Variants in GNA14 observed in about 807,000 individuals in gnomAD.
The protein encoded by GNA14 is G protein subunit alpha 14.
GNA14 carries 50 observed loss-of-function variants against 42.0 expected under a neutral mutation model. That is an observed-to-expected ratio of 1.19 (90% confidence interval 0.95 to 1.51). GNA14 has a LOEUF of 1.51. GNA14 is among the 40% of genes most tolerant of loss of function. GNA14 has a pLI of 0.00. For missense variants in GNA14, 473 were observed against 446.2 expected, an observed-to-expected ratio of 1.06 and a Z score of -0.54; for synonymous variants, 173 against 163.1, an observed-to-expected ratio of 1.06 and a Z score of -0.46.
intron 2 of GNA14, among the ~76,000 whole-genome samples, chr9:77,455,998 G>A: frequency 6.6e-6 from 1 of 152,066 alleles, no homozygotes; most frequent in Non-Finnish European, 1.5e-5. Context: ...CCTCTAATGT[G>A]TTGTATAAGG....
At chr9:77,586,232 G>A (rs1003231863) in intron 1 of GNA14, among the ~76,000 whole-genome samples, 5 of 152,092 alleles carry the variant, frequency 3.3e-5, no homozygotes, top group African/African-American at 9.7e-5. Context: ...CCAATTAGGG[G>A]TCTAGCATCC....
At chr9:77,628,195 G>C (rs534628502) in intron 1 of GNA14, among the ~76,000 whole-genome samples, 32 of 152,238 alleles carry the variant, frequency 2.1e-4, no homozygotes, top group African/African-American at 7.5e-4. Flanking sequence ...GGGATGTGAA[G>C]GACCTCTTCA....
intron 1 of GNA14, among the ~76,000 whole-genome samples, chr9:77,602,683 T>C (rs948003984): frequency 6.6e-6 from 1 of 152,212 alleles, no homozygotes; most frequent in African/African-American, 2.4e-5. Context: ...TTTTCTCATT[T>C]ATTACCTTTG....
chr9:77,615,702 TACACACACACACACACACACAC>T (rs59087574), intron 1 of GNA14, among the ~76,000 whole-genome samples: 7,497 of 134,476 alleles, frequency 0.056, 234 homozygotes, highest in Non-Finnish European at 0.079. Flanking sequence ...GAAAATGAAA[TACACACACACACACACACACAC>T]ACACACACAC....
At chr9:77,434,837 G>A (rs1434194210) in intron 2 of GNA14, among the ~76,000 whole-genome samples, 1 of 152,116 alleles carries the variant, frequency 6.6e-6, no homozygotes, top group Admixed American at 6.5e-5. Context: ...AGAGTCACTG[G>A]AGCTTTCATC....
intron 2 of GNA14, among the ~76,000 whole-genome samples, chr9:77,472,091 G>T (rs181261147): frequency 6.6e-6 from 1 of 152,200 alleles, no homozygotes; most frequent in Non-Finnish European, 1.5e-5. Flanking sequence ...GCTTGTCCAA[G>T]TAAAACCAAC....
At chr9:77,641,161 GAA>G (rs1824261314) in intron 1 of GNA14, among the ~76,000 whole-genome samples, 2 of 130,052 alleles carry the variant, frequency 1.5e-5, no homozygotes, top group South Asian at 2.8e-4. Context: ...AGGAAGGAAG[GAA>G]GGAAGGAAGG....
chr9:77,428,431 G>A (rs1835490345), intron 5 of GNA14, among the ~76,000 whole-genome samples: 1 of 152,062 alleles, frequency 6.6e-6, no homozygotes, highest in Non-Finnish European at 1.5e-5. Flanking sequence ...TGCCACCAAG[G>A]ATGAGAACCT....
At chr9:77,599,368 G>A (rs1823517740) in intron 1 of GNA14, among the ~76,000 whole-genome samples, 1 of 152,182 alleles carries the variant, frequency 6.6e-6, no homozygotes, top group Non-Finnish European at 1.5e-5. Flanking sequence ...TTTTGAATAG[G>A]GGGAAGGAGA....
chr9:77,455,874 C>T (rs1335187307), intron 2 of GNA14, among the ~76,000 whole-genome samples: 1 of 152,148 alleles, frequency 6.6e-6, no homozygotes, highest in Non-Finnish European at 1.5e-5. Flanking sequence ...TTGTATCTTA[C>T]AATACCTGTG....
At chr9:77,527,633 T>G (rs1837460757) in intron 2 of GNA14, among the ~76,000 whole-genome samples, 1 of 152,144 alleles carries the variant, frequency 6.6e-6, no homozygotes, top group Non-Finnish European at 1.5e-5. Context: ...ACAATTTTTT[T>G]GTTTTGTTTT....
chr9:77,485,182 C>G (rs543017996), intron 2 of GNA14, among the ~76,000 whole-genome samples: 3 of 152,288 alleles, frequency 2.0e-5, no homozygotes, highest in South Asian at 2.1e-4. Context: ...ATTTTATCAA[C>G]TAAACTTATA....
At chr9:77,558,653 A>G (rs1822828410) in intron 1 of GNA14, among the ~76,000 whole-genome samples, 1 of 152,162 alleles carries the variant, frequency 6.6e-6, no homozygotes, top group South Asian at 2.1e-4. Flanking sequence ...GAGGTTCTCC[A>G]TTAGGTATGA....
intron 2 of GNA14, among the ~76,000 whole-genome samples, chr9:77,509,285 T>C (rs1837121700): frequency 6.6e-6 from 1 of 152,276 alleles, no homozygotes; most frequent in African/African-American, 2.4e-5. Context: ...GAATTTCATT[T>C]CTTTTTGAGG....
chr9:77,514,904 C>G (rs1033378083), intron 2 of GNA14, among the ~76,000 whole-genome samples: 2 of 152,080 alleles, frequency 1.3e-5, no homozygotes, highest in African/African-American at 4.8e-5. Flanking sequence ...TGAGCCACTG[C>G]GCCCAGCCCA....
rs3052358 is a variant in GNA14, at chr9:77,435,050, TAAAAAAAA to T, written c.310-536_310-529del. 2.3e-4 allele frequency among the ~76,000 whole-genome samples: 28 copies of T among 119,276 alleles called. 1 individual carries two copies. Among genetic ancestry groups the T allele is most frequent in the African/African-American group, 7.7e-4 (25 of 32,614 alleles). 78.2% of individuals were successfully genotyped at this position (119,276 alleles called of 152,430 possible). A position where few individuals can be genotyped will look rare whatever the true frequency, so the allele number is the denominator to read the frequency against. On this transcript the variant is annotated intron_variant, in intron 2 of 6. Transcript: ENST00000341700. The stretch of plus-strand genomic sequence containing the variant: ...CAGTCTGGGATTTTGTTCTTTCATT[TAAAAAAAA>T]AAAAAAAAAAAAAACACTGGCCAGC...
chr9:77,541,427 A>C (rs1837660318), intron 1 of GNA14, among the ~76,000 whole-genome samples: 1 of 152,104 alleles, frequency 6.6e-6, no homozygotes, highest in African/African-American at 2.4e-5. Context: ...GGGTTCCTTT[A>C]TAGGTGACTA....
At chr9:77,514,238 A>G (rs927141350) in intron 2 of GNA14, among the ~76,000 whole-genome samples, 4 of 152,164 alleles carry the variant, frequency 2.6e-5, no homozygotes, top group African/African-American at 9.7e-5. Context: ...TTTTTGCCCG[A>G]TATCACAGTC....
At chr9:77,494,039 G>A (rs1226093670) in intron 2 of GNA14, among the ~76,000 whole-genome samples, 1 of 152,074 alleles carries the variant, frequency 6.6e-6, no homozygotes, top group Non-Finnish European at 1.5e-5. Flanking sequence ...TCGTGACTCA[G>A]CCTCCCAAGT....
Sources: gnomAD v4.1 joint callset for allele counts (sites outside exome capture counted in the v4.1 genomes callset) on GRCh38, gnomAD v4.1.1 for gene constraint, MANE v1.5 for transcripts, NCBI Gene and HGNC (gene_info 2026-07-23, HGNC 2026-07-21) for gene names.